PCDH9: variants seen among roughly 807,000 people sequenced by gnomAD.
PCDH9 encodes the protein protocadherin 9.
PCDH9 carries 24 observed loss-of-function variants against 70.6 expected under a neutral mutation model. That is an observed-to-expected ratio of 0.34 (90% confidence interval 0.25 to 0.48). The LOEUF (loss-of-function observed/expected upper bound fraction) is 0.48. Among genes scored for constraint, PCDH9 ranks in the 20% least tolerant of loss-of-function variants. The pLI, the probability that PCDH9 is intolerant of heterozygous loss-of-function variation, is 0.99. For synonymous variants in PCDH9, 562 were observed against 558.5 expected, an observed-to-expected ratio of 1.01 and a Z score of -0.09; for missense variants, 1,281 against 1,503.6, an observed-to-expected ratio of 0.85 and a Z score of 2.45.
At chr13:67,190,116 A>G (rs2088869482) in intron 2 of PCDH9, among the ~76,000 whole-genome samples, 1 of 152,046 alleles carries the variant, frequency 6.6e-6, no homozygotes, top group Non-Finnish European at 1.5e-5. Context: ...ATAGAATTTT[A>G]AATATGCAAA....
intron 4 of PCDH9, among the ~76,000 whole-genome samples, chr13:66,311,336 T>TTC (rs1166153854): frequency 4.0e-4 from 56 of 140,932 alleles, no homozygotes; most frequent in African/African-American, 1.2e-3. Flanking sequence ...CCCTCAATTT[T>TTC]TCTCTCTCTC....
intron 4 of PCDH9, among the ~76,000 whole-genome samples, chr13:66,438,320 A>G (rs1198459077): frequency 6.6e-6 from 1 of 151,664 alleles, no homozygotes; most frequent in Non-Finnish European, 1.5e-5. Flanking sequence ...TTTTCTTTTT[A>G]TTTAATAAAA....
chr13:67,108,476 A>C (rs2086591867), intron 2 of PCDH9, among the ~76,000 whole-genome samples: 1 of 152,246 alleles, frequency 6.6e-6, no homozygotes, highest in Non-Finnish European at 1.5e-5. Context: ...ACTCATGACA[A>C]AGCAATAAAC....
chr13:66,432,171 T>C (rs1285446952), intron 4 of PCDH9, among the ~76,000 whole-genome samples: 1 of 152,004 alleles, frequency 6.6e-6, no homozygotes, highest in African/African-American at 2.4e-5. Flanking sequence ...ATATTTATTA[T>C]CCAAATGTTT....
chr13:67,045,539 A>G (rs924823525), intron 2 of PCDH9, among the ~76,000 whole-genome samples: 8 of 152,022 alleles, frequency 5.3e-5, no homozygotes, highest in Non-Finnish European at 8.8e-5. Context: ...GGTATTACCC[A>G]GAAACAACAA....
At chr13:67,126,161 C>CT (rs1291255155) in intron 2 of PCDH9, among the ~76,000 whole-genome samples, 2 of 152,146 alleles carry the variant, frequency 1.3e-5, no homozygotes, top group Admixed American at 1.3e-4. Context: ...GGCTTTCAGA[C>CT]TTTACACTGT....
chr13:66,832,374 C>G (rs1452453591), intron 3 of PCDH9, among the ~76,000 whole-genome samples: 5 of 152,008 alleles, frequency 3.3e-5, no homozygotes, highest in African/African-American at 1.2e-4. Flanking sequence ...CACTTTAACT[C>G]TCTAAAATAC....
At chr13:67,210,746 A>G (rs1445473146) in intron 2 of PCDH9, 4 of 152,060 alleles carry the variant, frequency 2.6e-5, no homozygotes, top group Non-Finnish European at 5.9e-5. Flanking sequence ...GTAGCCAAAA[A>G]GAGAGAAAAT....
At chr13:66,805,319 A>C (rs78015229) in intron 3 of PCDH9, among the ~76,000 whole-genome samples, 6,112 of 152,222 alleles carry the variant, frequency 0.04, 411 homozygotes, top group African/African-American at 0.14. Context: ...CTGCAGTCAA[A>C]CGTATTCAGG....
chr13:66,447,248 T>A (rs975949674), intron 4 of PCDH9, among the ~76,000 whole-genome samples: 1 of 152,090 alleles, frequency 6.6e-6, no homozygotes, highest in Non-Finnish European at 1.5e-5. Context: ...AATTGAAGCA[T>A]CCATTTTATG....
intron 4 of PCDH9, among the ~76,000 whole-genome samples, chr13:66,340,360 T>C (rs555144159): frequency 1.5e-4 from 23 of 152,116 alleles, no homozygotes; most frequent in Non-Finnish European, 1.9e-4. Flanking sequence ...GAAGGGATAG[T>C]TTTCATGGTG....
rs917538248 is a variant in PCDH9, at chr13:66,304,502, A to G, written c.*153T>C. ...AGAACTATCTTCTCTCATATGTTGC[A>G]AAAACATTGTATTCTCCATGGTGCT... On this transcript the variant is annotated 3_prime_UTR_variant, in exon 5 of 5. Transcript: ENST00000377865. 4 of 637,858 alleles carry G rather than the reference A, an allele frequency of 6.3e-6. No individual in the cohort carries two copies. The highest frequency in any genetic ancestry group is 1.1e-5 in the Non-Finnish European group (4 of 364,220). 39.5% of individuals were successfully genotyped at this position (637,858 alleles called of 1,614,324 possible).
At chr13:66,820,212 C>G (rs1019896377) in intron 3 of PCDH9, among the ~76,000 whole-genome samples, 3 of 151,924 alleles carry the variant, frequency 2.0e-5, no homozygotes, top group African/African-American at 7.3e-5. Context: ...AAAAAAAACA[C>G]AAACATAAGC....
chr13:66,575,608 T>C (rs74093364), intron 4 of PCDH9, among the ~76,000 whole-genome samples: 4,952 of 152,230 alleles, frequency 0.033, 261 homozygotes, highest in African/African-American at 0.11. Flanking sequence ...TTTACCTCCC[T>C]CTAGGCCTCA....
At chr13:67,104,580 G>A (rs1166785160) in intron 2 of PCDH9, among the ~76,000 whole-genome samples, 2 of 150,364 alleles carry the variant, frequency 1.3e-5, no homozygotes, top group Admixed American at 6.6e-5. Context: ...ACGGAGTCTC[G>A]CTCTGTCGCC....
At chr13:66,506,159 G>A (rs1238037628) in intron 4 of PCDH9, among the ~76,000 whole-genome samples, 1 of 152,142 alleles carries the variant, frequency 6.6e-6, no homozygotes, top group Non-Finnish European at 1.5e-5. Context: ...TCCTTGTCAA[G>A]TAGATGCTCA....
intron 4 of PCDH9, among the ~76,000 whole-genome samples, chr13:66,580,718 T>C (rs899025706): frequency 3.3e-5 from 5 of 151,978 alleles, no homozygotes; most frequent in African/African-American, 1.2e-4. Context: ...CAAAAAGCCA[T>C]AGAAACGTAC....
At chr13:67,120,920 C>T (rs9599184) in intron 2 of PCDH9, among the ~76,000 whole-genome samples, 33,753 of 150,668 alleles carry the variant, frequency 0.22, 3,992 homozygotes, top group Middle Eastern at 0.27. Context: ...ACTTGGGCCA[C>T]GACAGACAGA....
At chr13:67,228,653 T>C (rs2089941713) in intron 1 of PCDH9, 78 bp from the exon 2 acceptor site, 1 of 410,594 alleles carries the variant, frequency 2.4e-6, no homozygotes, top group Non-Finnish European at 4.4e-6. Context: ...CCACACATTT[T>C]CCCCTGAACA....
Sources: allele counts gnomAD v4.1 joint callset (sites outside exome capture counted in the v4.1 genomes callset), GRCh38; gene constraint gnomAD v4.1.1; transcripts MANE v1.5; gene names NCBI Gene and HGNC (gene_info 2026-07-23, HGNC 2026-07-21).